Variants in TNRC18 observed in about 807,000 individuals in gnomAD.
TNRC18 encodes the protein trinucleotide repeat-containing gene 18 protein.
A neutral mutation model predicts 226.7 loss-of-function variants in TNRC18; 69 were observed. The ratio of observed to expected loss-of-function variants is 0.30; its 90% confidence interval spans 0.25 to 0.37. The LOEUF (loss-of-function observed/expected upper bound fraction) is 0.37, where lower values mean the gene tolerates loss of function less well. Ranked by LOEUF, TNRC18 falls within the 10% of genes least tolerant of loss-of-function variation. The pLI is 1.00. For missense variants in TNRC18, 4,754 were observed against 4,256.6 expected, an observed-to-expected ratio of 1.12 and a Z score of -3.25; for synonymous variants, 2,449 against 1,927.6, an observed-to-expected ratio of 1.27 and a Z score of -7.09.
rs1004155706 is a variant in TNRC18, at chr7:5,361,653, G to A, written c.4602C>T (p.His1534=). 2.8e-5 allele frequency: 43 copies of A among 1,559,922 alleles called. 1 individual carries two copies. The highest frequency in any genetic ancestry group is 4.7e-5 in the South Asian group (4 of 84,674). The change falls in exon 14 of 30, where the codon CAC becomes CAT. Residue 1534 remains histidine, a synonymous_variant. Transcript: ENST00000430969. ...RGPGRPRKRT[H]APSALSPPRK... ...GGGGGGGCGACAGGGCGCTCGGGGC[G>A]TGGGTCCGTTTCCGCGGCCTGCCAG...
rs1192204909 is a variant in TNRC18, at chr7:5,370,713, G to A, written c.3881C>T (p.Ser1294Leu). The part of the protein sequence containing the change: ...PSESQPTLEM[S>L]DCDVPAGEGQ... ...CTCCCCGGCGGGCACGTCACAGTCT[G>A]ACATTTCTAGGGTGGGCTGGGACTC... Residue 1294 changes from serine to leucine, a missense_variant, in exon 11 of 30, where the codon TCA becomes TTA. Ser to Leu is a moderately radical substitution (Grantham distance 145). Transcript: ENST00000430969. The A allele has an allele frequency of 3.7e-6, 6 of 1,609,458 alleles. No individual in the cohort carries two copies. Among genetic ancestry groups the A allele is most frequent in the Non-Finnish European group, 5.1e-6 (6 of 1,178,448 alleles).
chr7:5,381,897 C>A (rs567387955), intron 5 of TNRC18, among the ~76,000 whole-genome samples: 1 of 151,940 alleles, frequency 6.6e-6, no homozygotes, highest in African/African-American at 2.4e-5. Flanking sequence ...ACCCGGGAGG[C>A]GGAGGTTGCA....
chr7:5,388,855 G>A lies in TNRC18; in HGVS notation c.969C>T (p.Thr323=). Residue 323 remains threonine (T), a synonymous_variant, in exon 5 of 30, where the codon ACC becomes ACT. Coordinates refer to ENST00000430969, the MANE Select transcript of TNRC18 (RefSeq NM_001080495.3). ...GGCAGGGGCGCGGCCCAGGGAGCAGGGTCTCCGTGCGCCGCAGCAGCCGCG... is the reference window on the plus strand; with the variant it reads ...GGCAGGGGCGCGGCCCAGGGAGCAGAGTCTCCGTGCGCCGCAGCAGCCGCG... ...EGARLLRRTE[T]LLPGPRPCPS... 4.7e-6 allele frequency: 6 copies of A among 1,265,252 alleles called. No homozygotes were observed. The highest frequency in any genetic ancestry group is 6.0e-6 in the Non-Finnish European group (6 of 1,001,888). The allele number at this position is 1,265,252 out of a possible 1,614,324, so 78.4% of individuals were successfully genotyped here.
chr7:5,421,353 G>A lies in TNRC18; in HGVS notation c.-107C>T. 1 of 1,085,152 alleles carries A rather than the reference G, an allele frequency of 9.2e-7. No homozygotes were observed. Among genetic ancestry groups the A allele is most frequent in the Non-Finnish European group, 1.2e-6 (1 of 860,678 alleles). The allele number at this position is 1,085,152 out of a possible 1,614,324, so 67.2% of individuals were successfully genotyped here. On this transcript the variant is annotated 5_prime_UTR_variant, in exon 2 of 30. Transcript: ENST00000430969. ...AGTCCCAGAGTCCTCGGGCGGCGGG[G>A]GCTCCGCGGCGTGCATGGCGGCGGC...
intron 1 of TNRC18, among the ~76,000 whole-genome samples, chr7:5,421,936 G>A (rs542268165): frequency 4.6e-5 from 7 of 152,342 alleles, no homozygotes; most frequent in African/African-American, 1.7e-4. Context: ...TATCTGATCC[G>A]CAAAGTTTAA....
chr7:5,356,614 G>A (rs770617771), intron 16 of TNRC18, among the ~76,000 whole-genome samples: 4 of 152,240 alleles, frequency 2.6e-5, no homozygotes, highest in Non-Finnish European at 5.9e-5. Context: ...TAGGCAAATG[G>A]CGGGCGGGCA....
chr7:5,358,590 G>C (rs1198002485), intron 15 of TNRC18, among the ~76,000 whole-genome samples: 1 of 152,190 alleles, frequency 6.6e-6, no homozygotes, highest in East Asian at 1.9e-4. Flanking sequence ...GAGGTAGGCA[G>C]ATCACCTGAG....
At chr7:5,333,104 C>T in intron 18 of TNRC18, 55 bp from the exon 19 acceptor site, 1 of 1,523,170 alleles carries the variant, frequency 6.6e-7, no homozygotes, top group Non-Finnish European at 8.8e-7. Flanking sequence ...CCCTTCCCTC[C>T]CACCCAGCCA....
chr7:5,331,228 A>AT (rs1359831238), intron 19 of TNRC18, among the ~76,000 whole-genome samples: 7 of 152,234 alleles, frequency 4.6e-5, no homozygotes, highest in Non-Finnish European at 8.8e-5. Flanking sequence ...GTGGAGAGGT[A>AT]TTTTGACAGA....
chr7:5,315,183 T>C (rs778616271), intron 25 of TNRC18, 35 bp from the exon 26 acceptor site: 2 of 1,593,812 alleles, frequency 1.3e-6, no homozygotes, highest in East Asian at 4.5e-5. Context: ...TCATCAGGCC[T>C]GGGGTCCCCA....
chr7:5,323,584 G>C (rs1788603232), intron 21 of TNRC18, among the ~76,000 whole-genome samples: 2 of 13,332 alleles, frequency 1.5e-4, no homozygotes, highest in Admixed American at 7.4e-4. Context: ...TTTTTTTTGA[G>C]ACACAGTTTT....
intron 2 of TNRC18, among the ~76,000 whole-genome samples, chr7:5,413,606 T>G (rs1414526289): frequency 6.6e-6 from 1 of 152,214 alleles, no homozygotes; most frequent in Non-Finnish European, 1.5e-5. Flanking sequence ...CACAACTCAC[T>G]GCAGCCTGGA....
At position 5,361,906 on chromosome 7, in the gene TNRC18, C is replaced by A. The variant is rs750370000; in HGVS notation, c.4523G>T (p.Arg1508Leu). The A allele has an allele frequency of 1.3e-6, 2 of 1,569,386 alleles. No individual in the cohort carries two copies. Among genetic ancestry groups the A allele is most frequent in the Non-Finnish European group, 8.6e-7 (1 of 1,159,586 alleles). Residue 1508 changes from arginine (R) to leucine (L), a missense_variant, in exon 13 of 30, where the codon CGG becomes CTG. Transcript: ENST00000430969. ...QRELVKLQRR[R>L]DSEDRREEPH... ...CGGGGGACACACTCACTCGGAGTCC[C>A]GGCGGCGCTGCAGCTTCACCAGCTC... is the stretch of plus-strand genomic sequence containing the variant.
At chr7:5,396,120 G>A (rs377214142) in intron 2 of TNRC18, among the ~76,000 whole-genome samples, 6 of 146,956 alleles carry the variant, frequency 4.1e-5, no homozygotes, top group Non-Finnish European at 5.9e-5. Context: ...GCAGTGAGCC[G>A]AGATCGCTCC....
chr7:5,377,759 T>C lies in TNRC18; in HGVS notation c.2255+163A>G, dbSNP rs111622141. On this transcript the variant is annotated intron_variant, in intron 6 of 29. Transcript: ENST00000430969. The surrounding 1 kb of genome is among the most constrained non-coding windows in gnomAD (Gnocchi z 5.8). ...GTAGGGGCAGTGGGGCCACCTGGCC[T>C]GGGCAGGGCTGGCCCGATGCTGAGG... Among the ~76,000 whole-genome samples, 380 of 152,232 alleles carry C rather than the reference T, an allele frequency of 2.5e-3. 4 individuals are homozygous for C. Among genetic ancestry groups the C allele is most frequent in the African/African-American group, 8.8e-3 (365 of 41,550 alleles).
intron 16 of TNRC18, among the ~76,000 whole-genome samples, chr7:5,352,836 T>C (rs1448085584): frequency 6.6e-6 from 1 of 152,208 alleles, no homozygotes; most frequent in African/African-American, 2.4e-5. Context: ...TTTGATCTGC[T>C]TTTCTTACTG....
Position 5,377,317 on chromosome 7 carries a change from C to G in TNRC18, c.2461+54G>C. On this transcript the variant is annotated intron_variant, in intron 7 of 29. Transcript: ENST00000430969. This position sits in a 1 kb window ranked among gnomAD's most constrained non-coding sequence, Gnocchi z 5.8. ...GCCCTGAGCTCTTGTCCTGCACCCGCCCCCTCCCACCCCTCCCTCAGAGAA... is the reference window on the plus strand; with the variant it reads ...GCCCTGAGCTCTTGTCCTGCACCCGGCCCCTCCCACCCCTCCCTCAGAGAA... 1 of 997,234 alleles carries G rather than the reference C, an allele frequency of 1.0e-6. No individual in the cohort carries two copies. The highest frequency in any genetic ancestry group is 1.5e-6 in the Non-Finnish European group (1 of 676,690). The allele number at this position is 997,234 out of a possible 1,614,324, so 61.8% of individuals were successfully genotyped here.
intron 12 of TNRC18, among the ~76,000 whole-genome samples, 169 bp downstream of exon 12, chr7:5,362,481 C>T (rs1034772322): frequency 1.3e-5 from 2 of 152,122 alleles, no homozygotes; most frequent in Non-Finnish European, 2.9e-5. Flanking sequence ...CCGAGAAGGG[C>T]AACCACTTGA....
At chr7:5,396,458 G>T (rs1022813428) in intron 2 of TNRC18, among the ~76,000 whole-genome samples, 1 of 152,186 alleles carries the variant, frequency 6.6e-6, no homozygotes, top group African/African-American at 2.4e-5. Flanking sequence ...GGAGCTGGGA[G>T]ACTGCAGTGA....
Sources: gnomAD v4.1 joint callset for allele counts (sites outside exome capture counted in the v4.1 genomes callset) on GRCh38, gnomAD v4.1.1 for gene constraint, Gnocchi (gnomAD v3.1) non-coding constraint, MANE v1.5 for transcripts, NCBI Gene and HGNC (gene_info 2026-07-23, HGNC 2026-07-21) for gene names.